Variants in LRCH1 observed in about 807,000 individuals in gnomAD.
LRCH1 encodes leucine-rich repeat and calponin homology domain-containing protein 1.
LRCH1 carries 23 observed loss-of-function variants against 94.9 expected under a neutral mutation model. The observed-to-expected ratio is 0.24, with a 90% CI of 0.17 to 0.34. The LOEUF (loss-of-function observed/expected upper bound fraction) is 0.34. Ranked by LOEUF, LRCH1 falls within the 10% of genes least tolerant of loss-of-function variation. LRCH1 has a pLI of 1.00. For missense variants in LRCH1, 790 were observed against 945.9 expected, an observed-to-expected ratio of 0.84 and a Z score of 2.16; for synonymous variants, 364 against 354.9, an observed-to-expected ratio of 1.03 and a Z score of -0.29.
In LRCH1 at chr13:46,695,073, G is replaced by A. The variant is rs200610335; in HGVS notation, c.1245+56G>A. The stretch of plus-strand genomic sequence containing the variant: ...TACTTATTTCCTTCTGTTTGGCACC[G>A]TACAATTTAAGTTGAAGGTTGCCAA... On this transcript the variant is annotated intron_variant, in intron 9 of 19. Coordinates refer to ENST00000389797, the MANE Select transcript of LRCH1 (RefSeq NM_001164211.2). 1,037 of 1,586,616 alleles carry A rather than the reference G, an allele frequency of 6.5e-4. 17 individuals carry two copies. In the South Asian group the frequency reaches 0.011, roughly 17 times the overall value.
chr13:46,728,334 G>C (rs904082180), intron 17 of LRCH1, among the ~76,000 whole-genome samples: 1 of 152,030 alleles, frequency 6.6e-6, no homozygotes, highest in African/African-American at 2.4e-5. Context: ...TCCTGCCTCA[G>C]CTTCCCAAGT....
chr13:46,601,406 A>G (rs540817650), intron 1 of LRCH1, among the ~76,000 whole-genome samples: 26 of 152,336 alleles, frequency 1.7e-4, no homozygotes, highest in Non-Finnish European at 2.6e-4. Flanking sequence ...TGCAGGAAAA[A>G]GTTCTTTAAA....
At chr13:46,722,296 G>A (rs1168395986) in intron 16 of LRCH1, among the ~76,000 whole-genome samples, 1 of 152,030 alleles carries the variant, frequency 6.6e-6, no homozygotes, top group Non-Finnish European at 1.5e-5. Context: ...AAGTCTGTGG[G>A]ATGGGGGAGC....
In LRCH1 at chr13:46,742,458, C is replaced by T. The variant is rs1007321376; in HGVS notation, c.*610C>T. On this transcript the variant is annotated 3_prime_UTR_variant, in exon 20 of 20. Coordinates refer to ENST00000389797, the MANE Select transcript of LRCH1 (RefSeq NM_001164211.2). Reference sequence around the variant, plus strand: ...CTCCCAAATTTCCTAAAAAGGGAGCCGCGAAGGGCGCTGGGCAGTGTGGCC... The same window carrying T: ...CTCCCAAATTTCCTAAAAAGGGAGCTGCGAAGGGCGCTGGGCAGTGTGGCC... 39 of 986,860 alleles carry T rather than the reference C, an allele frequency of 4.0e-5. No individual in the cohort carries two copies. Among genetic ancestry groups the T allele is most frequent in the Non-Finnish European group, 4.2e-5 (35 of 831,038 alleles). 61.1% of individuals were successfully genotyped at this position (986,860 alleles called of 1,614,324 possible). A position where few individuals can be genotyped will look rare whatever the true frequency, so the allele number is the denominator to read the frequency against.
chr13:46,636,051 A>G (rs1429947781), intron 1 of LRCH1, among the ~76,000 whole-genome samples: 1 of 137,704 alleles, frequency 7.3e-6, no homozygotes, highest in Non-Finnish European at 1.5e-5. Flanking sequence ...CCAACTTACC[A>G]TGTCAACCTT....
intron 2 of LRCH1, among the ~76,000 whole-genome samples, chr13:46,652,395 G>GTTTTTTTTTTTTTTTT (rs57803401): frequency 6.8e-6 from 1 of 146,604 alleles, no homozygotes; most frequent in Non-Finnish European, 1.5e-5. Context: ...TGTTTTTTTT[G>GTTTTTTTTTTTTTTTT]TTTTTTTTTT....
intron 2 of LRCH1, among the ~76,000 whole-genome samples, chr13:46,666,113 C>T (rs907299049): frequency 1.3e-5 from 2 of 152,098 alleles, no homozygotes; most frequent in East Asian, 1.9e-4. Flanking sequence ...GCCTGCTGTA[C>T]GGTGACTAAA....
intron 1 of LRCH1, among the ~76,000 whole-genome samples, chr13:46,617,292 C>T (rs2050821794): frequency 6.6e-6 from 1 of 152,186 alleles, no homozygotes; most frequent in Non-Finnish European, 1.5e-5. Context: ...AACTTTGGAT[C>T]AGGGGCCAGG....
intron 5 of LRCH1, among the ~76,000 whole-genome samples, chr13:46,687,077 G>C (rs1239986236): frequency 6.8e-6 from 1 of 147,598 alleles, no homozygotes; most frequent in Non-Finnish European, 1.5e-5. Flanking sequence ...TCCTGCCTCA[G>C]CCTCCTGAGT....
At chr13:46,730,459 C>T (rs1236546940) in intron 18 of LRCH1, among the ~76,000 whole-genome samples, 1 of 152,188 alleles carries the variant, frequency 6.6e-6, no homozygotes, top group Non-Finnish European at 1.5e-5. Context: ...CTCCCATCCC[C>T]AGGAGAGCCT....
intron 11 of LRCH1, among the ~76,000 whole-genome samples, chr13:46,703,962 C>G (rs570955210): frequency 6.6e-6 from 1 of 152,180 alleles, no homozygotes; most frequent in South Asian, 2.1e-4. Flanking sequence ...TCCCAACTAA[C>G]CTTCCAAGTG....
chr13:46,692,584 A>G lies in LRCH1; in HGVS notation c.1063A>G (p.Met355Val), dbSNP rs760650353. 6.2e-7 allele frequency: 1 copy of G among 1,613,968 alleles called. No homozygotes were observed. Among genetic ancestry groups the G allele is most frequent in the African/African-American group, 1.3e-5 (1 of 74,926 alleles). ...CCTCAATGTGCCAATGTCAAACATCATGGAAGAAGAACAGATCATCAAGGA... is the reference window on the plus strand; with the variant it reads ...CCTCAATGTGCCAATGTCAAACATCGTGGAAGAAGAACAGATCATCAAGGA... ...VSLNVPMSNI[M>V]EEEQIIKEDS... Residue 355 changes from methionine (M) to valine (V), a missense_variant, in exon 8 of 20, where the codon ATG becomes GTG. Transcript: ENST00000389797.
intron 13 of LRCH1, among the ~76,000 whole-genome samples, chr13:46,707,839 T>C (rs1359527551): frequency 6.6e-6 from 1 of 152,212 alleles, no homozygotes; most frequent in Non-Finnish European, 1.5e-5. Context: ...CAAGCACCAC[T>C]CTGGACACTG....
At chr13:46,646,974 G>A (rs1773132) in intron 1 of LRCH1, among the ~76,000 whole-genome samples, 89,932 of 151,748 alleles carry the variant, frequency 0.59, 26,640 homozygotes, top group South Asian at 0.68. Flanking sequence ...TTAGCTGGAC[G>A]TGGTGGTGCA....
intron 19 of LRCH1, among the ~76,000 whole-genome samples, chr13:46,739,686 T>TG (rs996768061): frequency 6.6e-6 from 1 of 152,192 alleles, no homozygotes; most frequent in Non-Finnish European, 1.5e-5. Context: ...ACAATCATCA[T>TG]GGTGCTTCAC....
intron 1 of LRCH1, among the ~76,000 whole-genome samples, chr13:46,574,143 C>T (rs1319825491): frequency 6.6e-6 from 1 of 151,418 alleles, no homozygotes; most frequent in African/African-American, 2.4e-5. Flanking sequence ...CTGTGCCTGA[C>T]CATATAGTCA....
At chr13:46,680,488 G>A (rs2051736333) in intron 3 of LRCH1, among the ~76,000 whole-genome samples, 1 of 152,192 alleles carries the variant, frequency 6.6e-6, no homozygotes. Context: ...AGTGGGAGAG[G>A]TGGGGGAAGC....
intron 1 of LRCH1, among the ~76,000 whole-genome samples, chr13:46,613,799 G>A (rs1043812196): frequency 1.3e-5 from 2 of 152,182 alleles, no homozygotes; most frequent in Admixed American, 6.5e-5. Context: ...AGTCTGGTAT[G>A]TTCCTAAATG....
intron 1 of LRCH1, among the ~76,000 whole-genome samples, chr13:46,616,533 T>A (rs1164707603): frequency 1.3e-5 from 2 of 152,218 alleles, no homozygotes; most frequent in Non-Finnish European, 2.9e-5. Flanking sequence ...TGTAATGTCT[T>A]GAGTCACTTA....
Sources: gnomAD v4.1 joint callset for allele counts (sites outside exome capture counted in the v4.1 genomes callset) on GRCh38, gnomAD v4.1.1 for gene constraint, MANE v1.5 for transcripts, NCBI Gene and HGNC (gene_info 2026-07-23, HGNC 2026-07-21) for gene names.